The following ANXA10 variants were observed in gnomAD, a reference collection of about 807,000 sequenced individuals.
The protein encoded by ANXA10 is annexin 14.
ANXA10 carries 49 observed loss-of-function variants against 53.5 expected under a neutral mutation model. The ratio of observed to expected loss-of-function variants is 0.92; its 90% CI spans 0.73 to 1.16. The LOEUF (loss-of-function observed/expected upper bound fraction) is 1.16, where lower values mean the gene tolerates loss of function less well. Ranked by LOEUF, ANXA10 falls within the 50% of genes most tolerant of loss-of-function variation. ANXA10 has a pLI of 0.00. For missense variants in ANXA10, 393 were observed against 394.4 expected, an observed-to-expected ratio of 1.00 and a Z score of 0.03; for synonymous variants, 131 against 128.9, an observed-to-expected ratio of 1.02 and a Z score of -0.11.
chr4:168,122,027 C>T (rs1207282939), intron 1 of ANXA10, among the ~76,000 whole-genome samples: 1 of 151,818 alleles, frequency 6.6e-6, no homozygotes, highest in Non-Finnish European at 1.5e-5. Context: ...ATTTTTCGTA[C>T]AGATGGCGTT....
chr4:168,160,610 T>A (rs1731765877), intron 3 of ANXA10, among the ~76,000 whole-genome samples: 1 of 152,152 alleles, frequency 6.6e-6, no homozygotes, highest in Non-Finnish European at 1.5e-5. Context: ...AAATAGTATT[T>A]CTGCCTCTAG....
At chr4:168,156,484 A>C (rs1731685673) in intron 3 of ANXA10, among the ~76,000 whole-genome samples, 1 of 136,722 alleles carries the variant, frequency 7.3e-6, no homozygotes, top group African/African-American at 2.7e-5. Flanking sequence ...TTAAGTGCAT[A>C]TTTCTTGTTT....
intron 1 of ANXA10, among the ~76,000 whole-genome samples, chr4:168,117,998 T>C (rs1013848026): frequency 7.8e-6 from 1 of 128,010 alleles, no homozygotes; most frequent in Non-Finnish European, 1.8e-5. Flanking sequence ...CGCACATCAA[T>C]GGAATGTGGG....
At position 168,165,841 on chromosome 4, in the gene ANXA10, T is replaced by C. The variant is rs550883347; in HGVS notation, c.480+515T>C. The stretch of plus-strand genomic sequence containing the variant: ...CAAGGCACGTGCCACCACATCCAGC[T>C]AATTTTTGTATTTTTAGTAGAGATG... On this transcript the variant is annotated intron_variant, in intron 6 of 11. Coordinates refer to ENST00000359299, the MANE Select transcript of ANXA10 (RefSeq NM_007193.5). Among the ~76,000 whole-genome samples, 6 of 152,214 alleles carry C rather than the reference T, an allele frequency of 3.9e-5. No individual in the cohort carries two copies. In the East Asian group the frequency reaches 1.2e-3, roughly 29 times the overall value.
chr4:168,165,498 T>C (rs1176596528), intron 6 of ANXA10, among the ~76,000 whole-genome samples, 172 bp downstream of exon 6: 1 of 151,930 alleles, frequency 6.6e-6, no homozygotes, highest in East Asian at 1.9e-4. Context: ...CAACTAGAAA[T>C]TTAAGTTGTT....
chr4:168,101,915 G>A (rs552773215), intron 1 of ANXA10, among the ~76,000 whole-genome samples: 1 of 151,984 alleles, frequency 6.6e-6, no homozygotes, highest in South Asian at 2.1e-4. Flanking sequence ...CAACAACACC[G>A]TTCTAACCTT....
At chr4:168,151,279 A>G (rs1000419709) in intron 3 of ANXA10, among the ~76,000 whole-genome samples, 2 of 152,228 alleles carry the variant, frequency 1.3e-5, no homozygotes, top group African/African-American at 2.4e-5. Flanking sequence ...AGTGAAAAGC[A>G]TATGAAACTA....
intron 3 of ANXA10, among the ~76,000 whole-genome samples, chr4:168,161,827 T>A (rs1244939728): frequency 6.6e-6 from 1 of 152,202 alleles, no homozygotes; most frequent in African/African-American, 2.4e-5. Flanking sequence ...TTGTAGCAAT[T>A]GTGAATTGGA....
At chr4:168,118,541 C>T (rs1260450943) in intron 1 of ANXA10, among the ~76,000 whole-genome samples, 1 of 152,066 alleles carries the variant, frequency 6.6e-6, no homozygotes, top group Non-Finnish European at 1.5e-5. Flanking sequence ...TAGTAGTGTT[C>T]TGTTTTTTTC....
At chr4:168,161,879 G>T (rs1384724730) in intron 3 of ANXA10, among the ~76,000 whole-genome samples, 2 of 151,994 alleles carry the variant, frequency 1.3e-5, no homozygotes, top group African/African-American at 4.8e-5. Flanking sequence ...GTTTGTTGTT[G>T]TATAGGAAGA....
chr4:168,116,829 C>A (rs1204831688), intron 1 of ANXA10, among the ~76,000 whole-genome samples: 2 of 151,996 alleles, frequency 1.3e-5, no homozygotes, highest in Non-Finnish European at 2.9e-5. Flanking sequence ...TGAGCCAAAT[C>A]CACTCTCATT....
chr4:168,130,935 A>C (rs1038137431), intron 2 of ANXA10, among the ~76,000 whole-genome samples: 223 of 151,236 alleles, frequency 1.5e-3, no homozygotes, highest in Admixed American at 1.8e-3. Context: ...TGTTTCCCCC[A>C]AAAAAAACCA....
chr4:168,110,288 T>C (rs554966575), intron 1 of ANXA10, among the ~76,000 whole-genome samples: 18 of 152,234 alleles, frequency 1.2e-4, no homozygotes, highest in African/African-American at 4.1e-4. Flanking sequence ...AACCAACTGA[T>C]AGAAAACCAA....
chr4:168,157,543 C>T (rs930193765), intron 3 of ANXA10, among the ~76,000 whole-genome samples: 10 of 152,194 alleles, frequency 6.6e-5, no homozygotes, highest in South Asian at 2.1e-4. Context: ...GGATTACAGG[C>T]GTAAGCCACC....
intron 3 of ANXA10, among the ~76,000 whole-genome samples, chr4:168,151,805 T>C (rs1410713062): frequency 6.6e-6 from 1 of 152,218 alleles, no homozygotes; most frequent in Non-Finnish European, 1.5e-5. Flanking sequence ...CTATTCCCAT[T>C]ACTATAGCAC....
intron 1 of ANXA10, among the ~76,000 whole-genome samples, chr4:168,112,354 A>T (rs1730822348): frequency 6.6e-6 from 1 of 152,150 alleles, no homozygotes; most frequent in Admixed American, 6.5e-5. Flanking sequence ...ACAAAAAAAA[A>T]TATGTAAATG....
intron 3 of ANXA10, among the ~76,000 whole-genome samples, chr4:168,149,018 C>G (rs1021568881): frequency 6.6e-6 from 1 of 152,034 alleles, no homozygotes; most frequent in African/African-American, 2.4e-5. Flanking sequence ...CTTCTGACAT[C>G]AAGAGGTATT....
In ANXA10 at chr4:168,133,221, AT is replaced by A. The variant is rs1731182460; in HGVS notation, c.100+5057del. ...ACAAAAAGAAGTATTCAAGAAAAAA[AT>A]ATGTGTGTCACATAAACTAAATTCA... is the stretch of plus-strand genomic sequence containing the variant. On this transcript the variant is annotated intron_variant, in intron 2 of 11. Transcript: ENST00000359299. Among the ~76,000 whole-genome samples the A allele has an allele frequency of 2.0e-5, 3 of 152,220 alleles. No individual in the cohort carries two copies. The South Asian group carries it at 6.2e-4, about 32-fold the overall frequency.
At chr4:168,164,349 A>AT in intron 5 of ANXA10, 61 bp downstream of exon 5, 1 of 1,200,538 alleles carries the variant, frequency 8.3e-7, no homozygotes, top group Middle Eastern at 2.1e-4. Flanking sequence ...AACACATTAA[A>AT]TATTCCAGTT....
Sources: allele counts gnomAD v4.1 joint callset (sites outside exome capture counted in the v4.1 genomes callset), GRCh38; gene constraint gnomAD v4.1.1; transcripts MANE v1.5; gene names NCBI Gene and HGNC (gene_info 2026-07-23, HGNC 2026-07-21).